The following HEPH variants were observed in gnomAD, a reference collection of about 807,000 sequenced individuals.
The protein encoded by HEPH is hephaestin.
A neutral mutation model predicts 80.8 loss-of-function variants in HEPH; 69 were observed. The observed-to-expected ratio is 0.85, with a 90% confidence interval of 0.70 to 1.04. The LOEUF (loss-of-function observed/expected upper bound fraction) is 1.04. Among genes scored for constraint, HEPH ranks in the 50% least tolerant of loss-of-function variants. The pLI, the probability that HEPH is intolerant of heterozygous loss-of-function variation, is 0.00. For synonymous variants in HEPH, 431 were observed against 322.8 expected (o/e 1.34, Z -3.60); for missense variants, 1,115 against 891.3 (o/e 1.25, Z -3.20).
In HEPH at chrX:66,189,743, G is replaced by A. The variant is rs149582750; in HGVS notation, c.868G>A (p.Val290Met). The change falls in exon 6 of 21, where the codon GTG (valine) becomes ATG (methionine). Residue 290 changes from valine (V) to methionine (M), a missense_variant. By Grantham distance (21) the Val-to-Met change is conservative. Transcript: ENST00000343002. ...GCTGAACATGTGTGCACAGAAACGTGTGGCCTGGCACTTGTTTGGCATGGG... is the reference window on the plus strand; with the variant it reads ...GCTGAACATGTGTGCACAGAAACGTATGGCCTGGCACTTGTTTGGCATGGG... ...PELNMCAQKR[V>M]AWHLFGMGNE... The A allele has an allele frequency of 8.3e-7, 1 of 1,209,142 alleles. No homozygotes were observed. Among genetic ancestry groups the A allele is most frequent in the African/African-American group, 1.8e-5 (1 of 56,919 alleles).
At chrX:66,266,396 T>C (rs367584124) in intron 20 of HEPH, 44 bp from the exon 21 acceptor site, 2 of 1,015,097 alleles carry the variant, frequency 2.0e-6, no homozygotes, top group Non-Finnish European at 2.8e-6. Context: ...CCTTTTAGAG[T>C]ACTCCCCATC....
At chrX:66,224,275 A>T (rs1454327129) in intron 15 of HEPH, among the ~76,000 whole-genome samples, 1 of 111,626 alleles carries the variant, frequency 9.0e-6, no homozygotes, top group African/African-American at 3.3e-5. Context: ...TTTGCTATTA[A>T]TCAGACCTTG....
intron 15 of HEPH, among the ~76,000 whole-genome samples, chrX:66,231,846 G>T (rs1255318223): frequency 9.3e-6 from 1 of 107,815 alleles, no homozygotes; most frequent in Admixed American, 9.9e-5. Context: ...GGGCATCCCT[G>T]TCTTGTGCCA....
intron 15 of HEPH, among the ~76,000 whole-genome samples, chrX:66,224,219 C>T (rs1248402831): frequency 1.8e-5 from 2 of 110,983 alleles, no homozygotes; most frequent in African/African-American, 3.3e-5. Flanking sequence ...TTTTAGCAAA[C>T]TTTACTTTTG....
At chrX:66,251,370 A>G (rs961014800) in intron 15 of HEPH, among the ~76,000 whole-genome samples, 11 of 112,286 alleles carry the variant, frequency 9.8e-5, no homozygotes, top group Non-Finnish European at 1.9e-4. Flanking sequence ...ATTTGGTGTT[A>G]TCACTGATTT....
chrX:66,169,526 GTC>G (rs1344773005), intron 1 of HEPH, among the ~76,000 whole-genome samples: 1 of 111,766 alleles, frequency 8.9e-6, no homozygotes, highest in Non-Finnish European at 1.9e-5. Context: ...AGAATCTTGG[GTC>G]TGATTCTGAC....
rs1467416685 is a variant in HEPH, at chrX:66,255,128, TGGATCC to T, written c.2658_2663del (p.Asp887_Pro888del). On this transcript the variant is annotated inframe_deletion, in exon 16 of 21. Coordinates refer to ENST00000343002, the MANE Select transcript of HEPH (RefSeq NM_001367233.3). ...GTTTCCTGGATCTATTATTCTGCAG[TGGATCC>T]CATCAAGGTAAATACAAGATTGGCT... 8.4e-7 allele frequency: 1 copy of T among 1,192,105 alleles called. No homozygotes were observed. Among genetic ancestry groups the T allele is most frequent in the Non-Finnish European group, 1.1e-6 (1 of 881,375 alleles).
chrX:66,189,348 G>T lies in HEPH; in HGVS notation c.809-336G>T, dbSNP rs1434212969. On this transcript the variant is annotated intron_variant, in intron 5 of 20. Coordinates refer to ENST00000343002, the MANE Select transcript of HEPH (RefSeq NM_001367233.3). ...AGAATGAAACCACCCTGAAAGAATA[G>T]CCTGCAAAATAACTAAATTCCTTAG... is the stretch of plus-strand genomic sequence containing the variant. Among the ~76,000 whole-genome samples the T allele has an allele frequency of 2.7e-5, 3 of 112,442 alleles. No individual in the cohort carries two copies. The Admixed American group carries it at 2.8e-4, about 11-fold the overall frequency.
chrX:66,189,204 G>A (rs189837427), intron 5 of HEPH, among the ~76,000 whole-genome samples: 44 of 112,422 alleles, frequency 3.9e-4, no homozygotes, highest in African/African-American at 1.3e-3. Context: ...TGGAAATTCA[G>A]AAGGAAGATG....
At chrX:66,196,903 T>C (rs1373862542) in intron 9 of HEPH, among the ~76,000 whole-genome samples, 1 of 111,362 alleles carries the variant, frequency 9.0e-6, no homozygotes, top group Non-Finnish European at 1.9e-5. Flanking sequence ...GTACTTTTTT[T>C]TTTTCAAATT....
intron 15 of HEPH, among the ~76,000 whole-genome samples, chrX:66,251,011 G>A (rs184541417): frequency 2.6e-4 from 29 of 111,734 alleles, no homozygotes; most frequent in African/African-American, 8.4e-4. Flanking sequence ...AGCCTCCCGA[G>A]TAGCTGGGAT....
At chrX:66,225,515 G>T (rs2089843983) in intron 15 of HEPH, among the ~76,000 whole-genome samples, 1 of 112,509 alleles carries the variant, frequency 8.9e-6, no homozygotes, top group Admixed American at 9.4e-5. Context: ...GCACACCATG[G>T]GTGATCAGGC....
At chrX:66,234,311 A>G (rs1256686266) in intron 15 of HEPH, among the ~76,000 whole-genome samples, 3 of 111,547 alleles carry the variant, frequency 2.7e-5, no homozygotes, top group South Asian at 3.8e-4. Flanking sequence ...AAAAAATCCA[A>G]TCTACTATTG....
chrX:66,190,439 T>C (rs922561890), intron 6 of HEPH, among the ~76,000 whole-genome samples: 1 of 111,224 alleles, frequency 9.0e-6, no homozygotes, highest in African/African-American at 3.3e-5. Flanking sequence ...CAGAGCAATG[T>C]ATTGAGGAGC....
chrX:66,167,914 A>G (rs1463430475), intron 1 of HEPH, among the ~76,000 whole-genome samples: 1 of 112,252 alleles, frequency 8.9e-6, no homozygotes, highest in Non-Finnish European at 1.9e-5. Context: ...GACCCAACTG[A>G]TGGAAAAATG....
intron 13 of HEPH, among the ~76,000 whole-genome samples, chrX:66,206,093 A>G (rs1569333359): frequency 9.0e-6 from 1 of 110,953 alleles, no homozygotes; most frequent in Non-Finnish European, 1.9e-5. Context: ...ACAGAATCCT[A>G]TAAGGAGAAA....
At chrX:66,225,175 T>C (rs970572463) in intron 15 of HEPH, among the ~76,000 whole-genome samples, 1 of 111,615 alleles carries the variant, frequency 9.0e-6, no homozygotes, top group African/African-American at 3.3e-5. Flanking sequence ...CAGTCTATCT[T>C]ACAAAAAGTT....
chrX:66,206,339 CTTTTT>C (rs760184190), intron 13 of HEPH, among the ~76,000 whole-genome samples: 1 of 14,081 alleles, frequency 7.1e-5, no homozygotes, highest in Admixed American at 1.2e-3. Flanking sequence ...AACCTGCCAT[CTTTTT>C]TTTTTTTTTT....
At chrX:66,171,665 A>G (rs2086599811) in intron 2 of HEPH, among the ~76,000 whole-genome samples, 1 of 112,166 alleles carries the variant, frequency 8.9e-6, no homozygotes, top group South Asian at 3.7e-4. Context: ...ATCTAGTTTC[A>G]GAGTCAGAGT....
Sources: allele counts gnomAD v4.1 joint callset (sites outside exome capture counted in the v4.1 genomes callset), GRCh38; gene constraint gnomAD v4.1.1; transcripts MANE v1.5; gene names NCBI Gene and HGNC (gene_info 2026-07-23, HGNC 2026-07-21).